WWC1: variants seen among roughly 807,000 people sequenced by gnomAD.
The protein encoded by WWC1 is protein KIBRA.
WWC1 carries 55 observed loss-of-function variants against 138.4 expected under a neutral mutation model. The ratio of observed to expected loss-of-function variants is 0.40; its 90% CI spans 0.32 to 0.50. The LOEUF is 0.50. WWC1 is among the 20% of genes least tolerant of loss of function. The pLI is 0.72. For missense variants in WWC1, 1,226 were observed against 1,420.4 expected, an observed-to-expected ratio of 0.86 and a Z score of 2.20; for synonymous variants, 524 against 564.9, an observed-to-expected ratio of 0.93 and a Z score of 1.03.
chr5:168,427,262 G>C (rs1161596259), intron 11 of WWC1, among the ~76,000 whole-genome samples: 1 of 152,162 alleles, frequency 6.6e-6, no homozygotes, highest in Admixed American at 6.5e-5. Context: ...TAGTTGTAAT[G>C]AGTTTTGCAG....
chr5:168,381,741 G>A (rs1777649199), intron 2 of WWC1, among the ~76,000 whole-genome samples: 1 of 150,196 alleles, frequency 6.7e-6, no homozygotes, highest in African/African-American at 2.4e-5. Context: ...TTCGGGGGGT[G>A]GGGTGGGGTT....
At chr5:168,429,542 A>G (rs959218243) in intron 13 of WWC1, among the ~76,000 whole-genome samples, 3 of 152,106 alleles carry the variant, frequency 2.0e-5, no homozygotes, top group Non-Finnish European at 4.4e-5. Context: ...TACAGGCATG[A>G]GCCACCACAC....
At chr5:168,319,683 T>C (rs1771898785) in intron 1 of WWC1, among the ~76,000 whole-genome samples, 1 of 152,156 alleles carries the variant, frequency 6.6e-6, no homozygotes, top group Non-Finnish European at 1.5e-5. Flanking sequence ...GTACTTTTAG[T>C]AGAGACAAGG....
chr5:168,360,086 C>T (rs1257363498), intron 1 of WWC1, among the ~76,000 whole-genome samples: 1 of 152,184 alleles, frequency 6.6e-6, no homozygotes, highest in East Asian at 1.9e-4. Context: ...AATGTCTTGT[C>T]TGTGGGATTT....
At chr5:168,361,431 T>C (rs1177965547) in intron 1 of WWC1, among the ~76,000 whole-genome samples, 2 of 152,224 alleles carry the variant, frequency 1.3e-5, no homozygotes, top group African/African-American at 4.8e-5. Flanking sequence ...CGTCTCTCCA[T>C]GAATGGGAGC....
At chr5:168,344,814 A>G (rs545227372) in intron 1 of WWC1, among the ~76,000 whole-genome samples, 49 of 152,268 alleles carry the variant, frequency 3.2e-4, no homozygotes, top group African/African-American at 1.2e-3. Flanking sequence ...TATTGGGGGG[A>G]AAAGATTTGA....
At chr5:168,327,085 T>A (rs567205760) in intron 1 of WWC1, among the ~76,000 whole-genome samples, 2 of 152,276 alleles carry the variant, frequency 1.3e-5, no homozygotes, top group African/African-American at 2.4e-5. Flanking sequence ...TCCAAGATCA[T>A]TTTCCAGCAA....
In WWC1 at chr5:168,469,524, G is replaced by A. The variant is rs1236488359; in HGVS notation, c.*507G>A. 6.4e-6 allele frequency: 1 copy of A among 155,456 alleles called. No individual in the cohort carries two copies. Among genetic ancestry groups the A allele is most frequent in the Admixed American group, 6.3e-5 (1 of 15,784 alleles). 9.6% of individuals were successfully genotyped at this position (155,456 alleles called of 1,614,324 possible). On this transcript the variant is annotated 3_prime_UTR_variant, in exon 23 of 23. Coordinates refer to ENST00000265293, the MANE Select transcript of WWC1 (RefSeq NM_015238.3). ...TAAAAAAATGCACAGAAACCATTGGGGGGGATTCAGAGGTGCATCCACGGA... is the reference window on the plus strand; with the variant it reads ...TAAAAAAATGCACAGAAACCATTGGAGGGGATTCAGAGGTGCATCCACGGA...
chr5:168,441,410 A>C (rs1249157097), intron 15 of WWC1, among the ~76,000 whole-genome samples: 1 of 152,174 alleles, frequency 6.6e-6, no homozygotes, highest in East Asian at 1.9e-4. Flanking sequence ...ATGGTAAACT[A>C]AAGGTTTTTT....
At chr5:168,430,068 A>T in intron 13 of WWC1, 69 bp from the exon 14 acceptor site, 7 of 1,297,082 alleles carry the variant, frequency 5.4e-6, no homozygotes, top group Non-Finnish European at 5.5e-6. Flanking sequence ...GTGACTTTTA[A>T]TGGAGAGAAG....
chr5:168,449,181 G>A (rs1755568670), intron 17 of WWC1, among the ~76,000 whole-genome samples: 1 of 152,062 alleles, frequency 6.6e-6, no homozygotes. Context: ...ACTCCAGTAG[G>A]TGAAAAGATA....
At chr5:168,449,740 C>A (rs7737723) in intron 17 of WWC1, among the ~76,000 whole-genome samples, 121,992 of 151,786 alleles carry the variant, frequency 0.8, 49,557 homozygotes, top group African/African-American at 0.92. Context: ...CGCCTGGCTA[C>A]GTTTGTATTT....
intron 1 of WWC1, among the ~76,000 whole-genome samples, chr5:168,325,582 C>T (rs147802245): frequency 1.5e-3 from 232 of 152,298 alleles, no homozygotes; most frequent in African/African-American, 5.3e-3. Flanking sequence ...CAAAGAATTC[C>T]ATCATTTACA....
At chr5:168,444,650 C>A (rs1755076958) in intron 17 of WWC1, 65 bp downstream of exon 17, 1 of 1,542,304 alleles carries the variant, frequency 6.5e-7, no homozygotes, top group Non-Finnish European at 8.9e-7. Flanking sequence ...GCAATGAGAT[C>A]CCCCAATGCC....
At chr5:168,293,751 C>T (rs898481312) in intron 1 of WWC1, among the ~76,000 whole-genome samples, 1 of 152,168 alleles carries the variant, frequency 6.6e-6, no homozygotes, top group African/African-American at 2.4e-5. Flanking sequence ...AAGGGACGTA[C>T]ATCAGCGCCC....
intron 17 of WWC1, among the ~76,000 whole-genome samples, chr5:168,450,220 A>G (rs919833001): frequency 1.3e-5 from 2 of 152,234 alleles, no homozygotes; most frequent in African/African-American, 4.8e-5. Context: ...TAACAAATGC[A>G]GCCTATTTGT....
Position 168,362,501 on chromosome 5 carries a change from G to A in WWC1, c.120-8923G>A, listed in dbSNP as rs75784070. On this transcript the variant is annotated intron_variant, in intron 1 of 22. Coordinates refer to ENST00000265293, the MANE Select transcript of WWC1 (RefSeq NM_015238.3). ...CATTAGAAAGCAATGGGGACAAAGT[G>A]CATCCAGACAGTGCCTGTCCCCAAA... Among the ~76,000 whole-genome samples the A allele has an allele frequency of 4.7e-3, 719 of 152,304 alleles. 15 individuals are homozygous for A. The highest frequency in any genetic ancestry group is 0.044 in the East Asian group (229 of 5,178).
intron 1 of WWC1, among the ~76,000 whole-genome samples, chr5:168,296,255 G>A (rs2152736328): frequency 6.6e-6 from 1 of 152,318 alleles, no homozygotes; most frequent in South Asian, 2.1e-4. Flanking sequence ...GAACCACCTG[G>A]GAATTCTGGG....
At chr5:168,427,548 A>ATTTTTTTTTTTTTTTTTTTTTTTTTTT (rs34177139) in intron 11 of WWC1, among the ~76,000 whole-genome samples, 1 of 101,150 alleles carries the variant, frequency 9.9e-6, no homozygotes, top group Non-Finnish European at 1.9e-5. Context: ...CTTTTTTTTA[A>ATTTTTTTTTTTTTTTTTTTTTTTTTTT]TTTTTTTTTT....
Sources: allele counts gnomAD v4.1 joint callset (sites outside exome capture counted in the v4.1 genomes callset), GRCh38; gene constraint gnomAD v4.1.1; transcripts MANE v1.5; gene names NCBI Gene and HGNC (gene_info 2026-07-23, HGNC 2026-07-21).